Variants in GGT1 observed in about 807,000 individuals in gnomAD.
The protein encoded by GGT1 is glutathione hydrolase 1 proenzyme.
A neutral mutation model predicts 56.0 loss-of-function variants in GGT1; 21 were observed. The ratio of observed to expected loss-of-function variants is 0.38; its 90% CI spans 0.27 to 0.54. The LOEUF is 0.54. Among genes scored for constraint, GGT1 ranks in the 20% least tolerant of loss-of-function variants. The pLI is 0.82. For synonymous variants in GGT1, 238 were observed against 342.6 expected, an observed-to-expected ratio of 0.69 and a Z score of 3.37; for missense variants, 466 against 787.0, an observed-to-expected ratio of 0.59 and a Z score of 4.88.
chr22:24,593,180 C>T (rs57883872), upstream of GGT1: 18 of 880,054 alleles, frequency 2.0e-5, no homozygotes, highest in Non-Finnish European at 2.5e-5. Context: ...CGCCCCACCC[C>T]GCGCCGGAGC....
At chr22:24,589,661 T>C in the GGT1 span, 7 of 834,368 alleles carry the variant, frequency 8.4e-6, no homozygotes, top group African/African-American at 1.7e-5. Context: ...CAGCCTAATA[T>C]ACTGATGCTG....
intron 9 of GGT1, among the ~76,000 whole-genome samples, chr22:24,622,569 A>G (rs1242544749): frequency 6.6e-6 from 1 of 152,092 alleles, no homozygotes; most frequent in Non-Finnish European, 1.5e-5. Context: ...GTCTCAAAAA[A>G]CAAAAAAAAA....
upstream of GGT1, chr22:24,593,052 A>T (rs2045621983): frequency 1.1e-5 from 11 of 1,038,726 alleles, no homozygotes; most frequent in African/African-American, 1.7e-5. Flanking sequence ...CCGCCGCGCG[A>T]TGGTCGCCGA....
chr22:24,613,848 G>A (rs560501827), intron 5 of GGT1, among the ~76,000 whole-genome samples: 4 of 151,852 alleles, frequency 2.6e-5, no homozygotes, highest in African/African-American at 7.2e-5. Flanking sequence ...CCATGAGTTC[G>A]AGACCAGCTT....
chr22:24,584,502 T>C, the GGT1 span, among the ~76,000 whole-genome samples: 2 of 152,192 alleles, frequency 1.3e-5, no homozygotes, highest in Non-Finnish European at 2.9e-5. Flanking sequence ...GCCATCTCCT[T>C]TTGCCCTGAG....
intron 7 of GGT1, 122 bp downstream of exon 7, chr22:24,615,249 T>C (rs2046985913): frequency 1.5e-6 from 1 of 673,800 alleles, no homozygotes; most frequent in Non-Finnish European, 2.6e-6. Context: ...CCCCCATCCC[T>C]TCCTGTCCCC....
chr22:24,604,240 C>T (rs2045890896), intron 1 of GGT1, among the ~76,000 whole-genome samples: 1 of 152,090 alleles, frequency 6.6e-6, no homozygotes, highest in Admixed American at 6.5e-5. Flanking sequence ...TGCAGACTTC[C>T]TGGGGCCAGC....
intron 1 of GGT1, among the ~76,000 whole-genome samples, chr22:24,597,685 A>AC (rs71645651): frequency 7.0e-4 from 1 of 1,424 alleles, no homozygotes; most frequent in African/African-American, 8.8e-4. Context: ...CATCTCAAAA[A>AC]CACACACACA....
the GGT1 span, chr22:24,583,875 C>CA: frequency 2.2e-6 from 1 of 451,954 alleles, no homozygotes; most frequent in Non-Finnish European, 4.6e-6. Flanking sequence ...GGCAGGGAGT[C>CA]AGCAGGGCGC....
chr22:24,614,370 A>AAAAG (rs1308552732), intron 5 of GGT1, among the ~76,000 whole-genome samples: 2 of 147,984 alleles, frequency 1.4e-5, no homozygotes, highest in African/African-American at 5.0e-5. Context: ...AAAAAAAAAA[A>AAAAG]AAAAAAAGAG....
intron 1 of GGT1, among the ~76,000 whole-genome samples, chr22:24,605,051 T>A (rs866126724): frequency 3.3e-5 from 2 of 60,262 alleles, no homozygotes; most frequent in South Asian, 3.6e-4. Flanking sequence ...ATGTAATATA[T>A]TATATATTAT....
the GGT1 span, chr22:24,588,273 G>C: frequency 6.2e-7 from 1 of 1,613,686 alleles, no homozygotes; most frequent in Admixed American, 1.7e-5. Context: ...AGTGAGGGGT[G>C]AGGTGGTAGA....
chr22:24,605,997 ATT>A (rs2046274426), intron 1 of GGT1, among the ~76,000 whole-genome samples: 3 of 58,950 alleles, frequency 5.1e-5, no homozygotes, highest in African/African-American at 8.0e-5. Flanking sequence ...TATTTATATA[ATT>A]TATATAATAT....
At position 24,615,034 on chromosome 22, in the gene GGT1, C is replaced by G. The variant is rs753388778; in HGVS notation, c.296-7C>G. The G allele has an allele frequency of 4.5e-5, 72 of 1,611,292 alleles. No individual in the cohort carries two copies. Among genetic ancestry groups the G allele is most frequent in the Non-Finnish European group, 2.6e-5 (31 of 1,179,038 alleles). On this transcript the variant is annotated splice_region_variant and splice_polypyrimidine_tract_variant and intron_variant, in intron 6 of 15. Coordinates refer to ENST00000400382, the MANE Select transcript of GGT1 (RefSeq NM_001288833.2). ...GGGCGGGCCTGCCTACCTGCTTCTC[C>G]TTCTAGGAAAAGCTGAGGTCATCAA...
upstream of GGT1, among the ~76,000 whole-genome samples, chr22:24,598,884 C>T (rs535889808): frequency 3.2e-4 from 49 of 152,154 alleles, no homozygotes; most frequent in African/African-American, 1.1e-3. Flanking sequence ...TTCCTGTCAG[C>T]CTCCACATGA....
the GGT1 span, chr22:24,586,071 G>T: frequency 6.2e-7 from 1 of 1,612,216 alleles, no homozygotes; most frequent in Non-Finnish European, 8.5e-7. Flanking sequence ...GGCTGGGGCA[G>T]GGAAGCCACA....
At chr22:24,586,324 G>A in the GGT1 span, 2 of 1,614,006 alleles carry the variant, frequency 1.2e-6, no homozygotes, top group Non-Finnish European at 1.7e-6. Flanking sequence ...AGCGTGTGAT[G>A]TGTTGCACGT....
upstream of GGT1, among the ~76,000 whole-genome samples, chr22:24,601,276 C>A (rs1601615059): frequency 2.0e-5 from 3 of 152,216 alleles, no homozygotes; most frequent in Non-Finnish European, 4.4e-5. Context: ...CCCATGCGCC[C>A]CCCAACCCCA....
At chr22:24,619,883 A>T (rs1256403562) in intron 7 of GGT1, among the ~76,000 whole-genome samples, 2 of 150,140 alleles carry the variant, frequency 1.3e-5, no homozygotes, top group Non-Finnish European at 3.0e-5. Flanking sequence ...ACAGACAGAC[A>T]CCTCATCCTG....
Sources: allele counts gnomAD v4.1 joint callset (sites outside exome capture counted in the v4.1 genomes callset), GRCh38; gene constraint gnomAD v4.1.1; transcripts MANE v1.5; gene names NCBI Gene and HGNC (gene_info 2026-07-23, HGNC 2026-07-21).